MALL: variants seen among roughly 807,000 people sequenced by gnomAD.
MALL encodes MAL-like protein.
A neutral mutation model predicts 10.3 loss-of-function variants in MALL; 2 were observed. The ratio of observed to expected loss-of-function variants is 0.19; its 90% CI spans 0.08 to 0.61. The LOEUF (loss-of-function observed/expected upper bound fraction) is 0.61. Ranked by LOEUF, MALL falls within the 20% of genes least tolerant of loss-of-function variation. MALL has a pLI of 0.88. For missense variants in MALL, 39 were observed against 115.2 expected, an observed-to-expected ratio of 0.34 and a Z score of 3.03; for synonymous variants, 27 against 51.8, an observed-to-expected ratio of 0.52 and a Z score of 2.05.
chr2:110,110,419 C>A (rs897157006), intron 1 of MALL, among the ~76,000 whole-genome samples: 6 of 151,990 alleles, frequency 3.9e-5, no homozygotes, highest in Admixed American at 3.9e-4. Flanking sequence ...TACAAAAGAT[C>A]ATTCAAGGCT....
chr2:110,108,258 G>C (rs1334227537), intron 1 of MALL, among the ~76,000 whole-genome samples: 1 of 152,102 alleles, frequency 6.6e-6, no homozygotes, highest in African/African-American at 2.4e-5. Context: ...AGAAAAATGT[G>C]AAGCCCAATG....
At chr2:110,097,014 C>A (rs1678455887) in intron 1 of MALL, among the ~76,000 whole-genome samples, 1 of 151,574 alleles carries the variant, frequency 6.6e-6, no homozygotes, top group Non-Finnish European at 1.5e-5. Flanking sequence ...TAGGAAATGA[C>A]CCCTTTATCC....
intron 1 of MALL, among the ~76,000 whole-genome samples, chr2:110,113,989 AC>A (rs1198772174): frequency 2.0e-5 from 3 of 151,870 alleles, no homozygotes; most frequent in Non-Finnish European, 4.4e-5. Flanking sequence ...ACCCCCCACA[AC>A]ACGTAAGGCC....
chr2:110,105,567 G>A (rs1323198077), intron 1 of MALL, among the ~76,000 whole-genome samples: 1 of 152,204 alleles, frequency 6.6e-6, no homozygotes, highest in Non-Finnish European at 1.5e-5. Context: ...AGTGAAGGGA[G>A]GGACAGAGAC....
intron 1 of MALL, among the ~76,000 whole-genome samples, chr2:110,113,992 C>T (rs955138848): frequency 3.9e-5 from 6 of 152,032 alleles, no homozygotes; most frequent in Admixed American, 1.3e-4. Context: ...CCCCACAACA[C>T]GTAAGGCCCC....
rs375540081 is a variant in MALL at position 110,111,635 on chromosome 2, T to C, written c.105+4053A>G. Among the ~76,000 whole-genome samples the C allele has an allele frequency of 1.0e-3, 152 of 152,172 alleles. 5 individuals carry two copies. The South Asian group carries it at 0.03, about 30-fold the overall frequency. On this transcript the variant is annotated intron_variant, in intron 1 of 3. Coordinates refer to ENST00000272462, the MANE Select transcript of MALL (RefSeq NM_005434.5). ...CATGCTCATGGATGGGTAGAATCAA[T>C]GTTGTGAAAATAACCATATTGCCAA... is the stretch of plus-strand genomic sequence containing the variant.
At chr2:110,104,403 T>C (rs537583720) in intron 1 of MALL, among the ~76,000 whole-genome samples, 1 of 152,278 alleles carries the variant, frequency 6.6e-6, no homozygotes, top group African/African-American at 2.4e-5. Flanking sequence ...TCCTTGGCTG[T>C]TCTCCACCGC....
At position 110,115,620 on chromosome 2, in the gene MALL, G is replaced by C. The variant is rs950922535; in HGVS notation, c.105+68C>G. 92 of 904,804 alleles carry C rather than the reference G, an allele frequency of 1.0e-4. No homozygotes were observed. The African/African-American group carries it at 1.3e-3, about 12-fold the overall frequency. 56.0% of individuals were successfully genotyped at this position (904,804 alleles called of 1,614,324 possible). A position where few individuals can be genotyped will look rare whatever the true frequency, so the allele number is the denominator to read the frequency against. On this transcript the variant is annotated intron_variant, in intron 1 of 3. Transcript: ENST00000272462. ...TCTGGGTCTCTCTCTTCTCGGTCCG[G>C]TCTGGGTCCGAGGCCGGTCTCCCCC...
At chr2:110,101,622 G>A (rs1678566399) in intron 1 of MALL, among the ~76,000 whole-genome samples, 1 of 152,130 alleles carries the variant, frequency 6.6e-6, no homozygotes, top group African/African-American at 2.4e-5. Context: ...GCGCACCAGA[G>A]TGGCAGGAAG....
chr2:110,104,001 G>A (rs557351662), intron 1 of MALL, among the ~76,000 whole-genome samples: 18 of 152,298 alleles, frequency 1.2e-4, no homozygotes, highest in African/African-American at 4.1e-4. Context: ...TAGGAGAGAA[G>A]TGGGGGCTTC....
chr2:110,115,828 G>T, upstream of MALL: 1 of 1,035,932 alleles, frequency 9.7e-7, no homozygotes, highest in Middle Eastern at 3.2e-4. Context: ...GCGGCAGCTC[G>T]CCCGCGCGCA....
upstream of MALL, chr2:110,116,558 GCC>G (rs1678926936): frequency 6.6e-6 from 1 of 152,508 alleles, no homozygotes; most frequent in African/African-American, 2.4e-5. Flanking sequence ...GCTGGCTGCT[GCC>G]TCTAGTGGAC....
At chr2:110,097,764 C>A (rs1172609568) in intron 1 of MALL, among the ~76,000 whole-genome samples, 1 of 152,076 alleles carries the variant, frequency 6.6e-6, no homozygotes, top group Non-Finnish European at 1.5e-5. Flanking sequence ...GCAGGTTTTT[C>A]TGCATAGCTG....
intron 1 of MALL, among the ~76,000 whole-genome samples, chr2:110,111,070 A>G (rs752883902): frequency 6.6e-6 from 1 of 152,186 alleles, no homozygotes; most frequent in Non-Finnish European, 1.5e-5. Flanking sequence ...GACATATCTT[A>G]ATGTAATAAA....
chr2:110,113,741 A>C (rs1678853946), intron 1 of MALL, among the ~76,000 whole-genome samples: 1 of 152,140 alleles, frequency 6.6e-6, no homozygotes, highest in Non-Finnish European at 1.5e-5. Flanking sequence ...ATTAGTGAGA[A>C]AATTAGCAAA....
At chr2:110,102,640 C>G (rs553848322) in intron 1 of MALL, among the ~76,000 whole-genome samples, 2 of 152,328 alleles carry the variant, frequency 1.3e-5, no homozygotes, top group East Asian at 3.9e-4. Flanking sequence ...TAGCCACAGA[C>G]CGGCATTCCT....
At chr2:110,114,411 G>A (rs1016239902) in intron 1 of MALL, among the ~76,000 whole-genome samples, 1 of 151,926 alleles carries the variant, frequency 6.6e-6, no homozygotes, top group Non-Finnish European at 1.5e-5. Flanking sequence ...TCAATAAAAA[G>A]AGGCAGAGTC....
intron 1 of MALL, among the ~76,000 whole-genome samples, chr2:110,109,872 C>T (rs746950585): frequency 2.6e-5 from 4 of 152,158 alleles, no homozygotes; most frequent in Non-Finnish European, 5.9e-5. Context: ...ATCAAGCACT[C>T]TGTCAGACCA....
intron 1 of MALL, chr2:110,097,400 A>T: frequency 4.5e-6 from 2 of 447,360 alleles, no homozygotes; most frequent in South Asian, 3.2e-5. Context: ...ATGTAAATTT[A>T]AAAAGAAAAG....
Sources: allele counts gnomAD v4.1 joint callset (sites outside exome capture counted in the v4.1 genomes callset), GRCh38; gene constraint gnomAD v4.1.1; transcripts MANE v1.5; gene names NCBI Gene and HGNC (gene_info 2026-07-23, HGNC 2026-07-21).